Variants in XPO6 observed in about 807,000 individuals in gnomAD.
The protein encoded by XPO6 is exportin 6, also known as exportin-6.
Under a neutral mutation model 130.0 loss-of-function variants are expected in XPO6, and 3 were observed. The ratio of observed to expected loss-of-function variants is 0.02; its 90% CI spans 0.01 to 0.06. The LOEUF (loss-of-function observed/expected upper bound fraction) is 0.06. Ranked by LOEUF, XPO6 falls within the 10% of genes least tolerant of loss-of-function variation. The probability of loss-of-function intolerance (pLI) is 1.00; values close to 1 mark genes in which losing one functional copy is unlikely to be tolerated. For synonymous variants in XPO6, 524 were observed against 548.9 expected, an observed-to-expected ratio of 0.95 and a Z score of 0.63; for missense variants, 970 against 1,393.0, an observed-to-expected ratio of 0.70 and a Z score of 4.83.
intron 1 of XPO6, among the ~76,000 whole-genome samples, chr16:28,202,804 G>A (rs1442746758): frequency 6.6e-6 from 1 of 152,196 alleles, no homozygotes; most frequent in Non-Finnish European, 1.5e-5. Flanking sequence ...GCTAAACCAA[G>A]AGACTAATAC....
intron 1 of XPO6, among the ~76,000 whole-genome samples, chr16:28,205,621 G>T (rs1033677439): frequency 1.3e-5 from 2 of 152,146 alleles, no homozygotes; most frequent in African/African-American, 4.8e-5. Context: ...CTCCCAGAGG[G>T]CAGGGGCAGT....
rs143616987 is a variant in XPO6, at chr16:28,119,103, ACTCCTGGG to A, written c.1860-1649_1860-1642del. On this transcript the variant is annotated intron_variant, in intron 14 of 23. Coordinates refer to ENST00000304658, the MANE Select transcript of XPO6 (RefSeq NM_015171.4). ...CAATCATAGCTCACAGCAGCCTCCA[ACTCCTGGG>A]CTCAAGCAATTCTCCTGGCTTGCAA... Among the ~76,000 whole-genome samples, 681 of 152,010 alleles carry A rather than the reference ACTCCTGGG, an allele frequency of 4.5e-3. 7 individuals are homozygous for A. The highest frequency in any genetic ancestry group is 0.016 in the African/African-American group (661 of 41,434).
At chr16:28,167,240 G>T in intron 5 of XPO6, 1 of 985,400 alleles carries the variant, frequency 1.0e-6, no homozygotes, top group East Asian at 1.1e-4. Context: ...TAACAGACCT[G>T]CATGTCCACC....
At chr16:28,175,814 T>C (rs1196150555) in intron 4 of XPO6, 84 bp downstream of exon 4, 1 of 1,310,128 alleles carries the variant, frequency 7.6e-7, no homozygotes, top group East Asian at 2.4e-5. Context: ...CTGCTAATCT[T>C]AAAAGTCCTC....
intron 9 of XPO6, among the ~76,000 whole-genome samples, chr16:28,138,478 G>A (rs1026938987): frequency 6.6e-6 from 1 of 151,978 alleles, no homozygotes. Context: ...AACCCGTATC[G>A]CTTAGAAAAT....
At chr16:28,192,057 C>G (rs1433310448) in intron 1 of XPO6, among the ~76,000 whole-genome samples, 1 of 151,910 alleles carries the variant, frequency 6.6e-6, no homozygotes, top group African/African-American at 2.4e-5. Context: ...GTCAGGAGTT[C>G]GAGACCAGCC....
chr16:28,153,182 G>A, intron 7 of XPO6: 1 of 999,824 alleles, frequency 1.0e-6, no homozygotes, highest in South Asian at 4.3e-5. Context: ...TAAAGTGAAT[G>A]GTGCTAAAGA....
At chr16:28,137,358 A>G (rs2042801130) in intron 9 of XPO6, among the ~76,000 whole-genome samples, 2 of 152,214 alleles carry the variant, frequency 1.3e-5, no homozygotes, top group Non-Finnish European at 2.9e-5. Flanking sequence ...GTGTTATCTC[A>G]GTGTTTCCTC....
At chr16:28,158,988 G>A (rs935454641) in intron 6 of XPO6, among the ~76,000 whole-genome samples, 4 of 152,226 alleles carry the variant, frequency 2.6e-5, no homozygotes, top group East Asian at 3.9e-4. Context: ...CCAGCATTTC[G>A]GTAGGCTGAG....
chr16:28,126,850 C>G (rs935276982), intron 12 of XPO6: 2 of 152,200 alleles, frequency 1.3e-5, no homozygotes, highest in Non-Finnish European at 2.9e-5. Context: ...ACTAGGGCAC[C>G]GTAACTAGGG....
chr16:28,152,629 TGGAAG>T (rs760111313), intron 8 of XPO6, 25 bp downstream of exon 8: 1 of 1,589,844 alleles, frequency 6.3e-7, no homozygotes, highest in Non-Finnish European at 8.5e-7. Flanking sequence ...ACCTTTTCTC[TGGAAG>T]GGAAGGATGA....
intron 13 of XPO6, among the ~76,000 whole-genome samples, chr16:28,124,305 G>A (rs924929913): frequency 3.9e-5 from 6 of 152,136 alleles, no homozygotes; most frequent in Admixed American, 2.0e-4. Context: ...TGATCTGCCC[G>A]CCTCAGCCTC....
chr16:28,152,852 C>T, intron 7 of XPO6, 67 bp from the exon 8 acceptor site: 1 of 1,571,732 alleles, frequency 6.4e-7, no homozygotes, highest in Admixed American at 2.0e-5. Flanking sequence ...TAAATTCAAT[C>T]CAAAGTTCTT....
intron 5 of XPO6, among the ~76,000 whole-genome samples, chr16:28,168,967 T>C (rs1228232439): frequency 6.6e-6 from 1 of 152,142 alleles, no homozygotes; most frequent in Non-Finnish European, 1.5e-5. Flanking sequence ...GCCCACCACA[T>C]GCCAAGCACT....
At chr16:28,169,285 GA>G (rs1468935082) in intron 5 of XPO6, among the ~76,000 whole-genome samples, 1 of 152,176 alleles carries the variant, frequency 6.6e-6, no homozygotes, top group Non-Finnish European at 1.5e-5. Context: ...TCATCAAACA[GA>G]AAAGACAAAA....
chr16:28,117,279 A>G (rs771704737), intron 15 of XPO6, 39 bp downstream of exon 15: 1 of 1,609,630 alleles, frequency 6.2e-7, no homozygotes, highest in Non-Finnish European at 8.5e-7. Context: ...GGAGAGACAG[A>G]GAGTTAGATA....
chr16:28,182,056 T>G (rs188665352), intron 1 of XPO6, among the ~76,000 whole-genome samples: 182 of 152,362 alleles, frequency 1.2e-3, no homozygotes, highest in Non-Finnish European at 1.3e-3. Flanking sequence ...GAGTCATCAC[T>G]GGTATAATTC....
At chr16:28,099,667 C>T (rs2141223191) in intron 23 of XPO6, among the ~76,000 whole-genome samples, 2 of 152,338 alleles carry the variant, frequency 1.3e-5, no homozygotes, top group South Asian at 4.1e-4. Context: ...TGTTAGAAGG[C>T]TTACTCGAGC....
intron 4 of XPO6, among the ~76,000 whole-genome samples, chr16:28,171,782 G>C (rs760010443): frequency 6.6e-6 from 1 of 152,190 alleles, no homozygotes; most frequent in Non-Finnish European, 1.5e-5. Flanking sequence ...GCAGTGTAGG[G>C]AGGACAGGAA....
Sources: allele counts gnomAD v4.1 joint callset (sites outside exome capture counted in the v4.1 genomes callset), GRCh38; gene constraint gnomAD v4.1.1; transcripts MANE v1.5; gene names NCBI Gene and HGNC (gene_info 2026-07-23, HGNC 2026-07-21).